CHODL: variants seen among roughly 807,000 people sequenced by gnomAD.
CHODL encodes transmembrane protein MT75.
A neutral mutation model predicts 34.5 loss-of-function variants in CHODL; 29 were observed. The observed-to-expected ratio is 0.84, with a 90% CI of 0.63 to 1.15. The LOEUF (loss-of-function observed/expected upper bound fraction) is 1.15, where lower values mean the gene tolerates loss of function less well. Ranked by LOEUF, CHODL falls within the 50% of genes most tolerant of loss-of-function variation. The pLI, the probability that CHODL is intolerant of heterozygous loss-of-function variation, is 0.00. For missense variants in CHODL, 332 were observed against 332.5 expected (o/e 1.00, Z 0.01); for synonymous variants, 125 against 116.1 (o/e 1.08, Z -0.49).
At chr21:18,211,652 T>A (rs188943157) in intron 2 of CHODL, among the ~76,000 whole-genome samples, 45 of 152,264 alleles carry the variant, frequency 3.0e-4, no homozygotes, top group Admixed American at 1.4e-3. Flanking sequence ...TTACTTTACT[T>A]TTTTTCCCCC....
At chr21:18,063,813 T>C (rs929553411) in intron 2 of CHODL, among the ~76,000 whole-genome samples, 4 of 152,206 alleles carry the variant, frequency 2.6e-5, no homozygotes, top group African/African-American at 9.6e-5. Flanking sequence ...TGGCCTCTAA[T>C]GCCAAACTTA....
At chr21:18,212,657 C>T (rs2073785841) in intron 2 of CHODL, among the ~76,000 whole-genome samples, 1 of 151,978 alleles carries the variant, frequency 6.6e-6, no homozygotes, top group Non-Finnish European at 1.5e-5. Context: ...AAAAAATTAA[C>T]TGGGACAATA....
At chr21:17,962,094 CA>C (rs1460838828) in intron 1 of CHODL, among the ~76,000 whole-genome samples, 1 of 152,106 alleles carries the variant, frequency 6.6e-6, no homozygotes, top group East Asian at 1.9e-4. Flanking sequence ...TGGATTACAC[CA>C]GAAGTCAGGG....
intron 2 of CHODL, among the ~76,000 whole-genome samples, chr21:18,084,995 C>T (rs999173366): frequency 4.0e-5 from 6 of 150,382 alleles, no homozygotes; most frequent in African/African-American, 1.2e-4. Flanking sequence ...TGCATGTACA[C>T]TTAGAATTAT....
chr21:18,238,933 A>C (rs981344719), intron 2 of CHODL, among the ~76,000 whole-genome samples: 1 of 152,188 alleles, frequency 6.6e-6, no homozygotes, highest in Non-Finnish European at 1.5e-5. Context: ...TGACTAAGAC[A>C]TTCATGATAA....
chr21:18,167,207 C>G (rs201069076), intron 2 of CHODL, among the ~76,000 whole-genome samples: 113 of 118,674 alleles, frequency 9.5e-4, no homozygotes, highest in East Asian at 2.9e-3. Context: ...CCATTTCTCT[C>G]TCTCTGTGTG....
intron 1 of CHODL, among the ~76,000 whole-genome samples, chr21:18,256,066 T>C (rs2074311618): frequency 6.6e-6 from 1 of 152,200 alleles, no homozygotes; most frequent in Non-Finnish European, 1.5e-5. Context: ...TGCCACTTTG[T>C]ATCTTCTTCA....
At chr21:18,093,453 T>C (rs1291050051) in intron 2 of CHODL, among the ~76,000 whole-genome samples, 2 of 152,084 alleles carry the variant, frequency 1.3e-5, no homozygotes, top group Non-Finnish European at 1.5e-5. Context: ...TATAATACTG[T>C]AGTTGTGGTA....
intron 1 of CHODL, among the ~76,000 whole-genome samples, chr21:18,253,813 T>C (rs1331019363): frequency 6.6e-6 from 1 of 152,142 alleles, no homozygotes; most frequent in Non-Finnish European, 1.5e-5. Context: ...CATTAACAAT[T>C]TGGGCAGCCT....
chr21:18,124,354 C>A (rs925607701), intron 2 of CHODL, among the ~76,000 whole-genome samples: 10 of 152,152 alleles, frequency 6.6e-5, no homozygotes, highest in Non-Finnish European at 1.3e-4. Flanking sequence ...ATGTGCTTGG[C>A]CCTACACCAG....
At chr21:17,981,135 G>GA (rs1273806700) in intron 1 of CHODL, among the ~76,000 whole-genome samples, 2 of 151,574 alleles carry the variant, frequency 1.3e-5, no homozygotes, top group Admixed American at 6.6e-5. Context: ...TCCATCTATG[G>GA]AAAACATATG....
intron 2 of CHODL, among the ~76,000 whole-genome samples, chr21:18,166,317 A>T (rs1023975936): frequency 1.3e-5 from 2 of 152,232 alleles, no homozygotes; most frequent in African/African-American, 2.4e-5. Context: ...TGATTAGGAC[A>T]GCCTCATTTG....
intron 2 of CHODL, among the ~76,000 whole-genome samples, chr21:18,080,936 A>T (rs2064934314): frequency 6.6e-6 from 1 of 152,194 alleles, no homozygotes; most frequent in South Asian, 2.1e-4. Context: ...CAGTATGGTC[A>T]TTTTAACTAC....
At chr21:18,026,991 T>C (rs1212841915) in intron 1 of CHODL, among the ~76,000 whole-genome samples, 2 of 152,154 alleles carry the variant, frequency 1.3e-5, no homozygotes, top group African/African-American at 4.8e-5. Context: ...AATTTATCTG[T>C]CCAGGCTGGG....
intron 2 of CHODL, among the ~76,000 whole-genome samples, chr21:18,143,289 T>C (rs2072824977): frequency 6.6e-6 from 1 of 152,208 alleles, no homozygotes; most frequent in South Asian, 2.1e-4. Context: ...CATATTCTGC[T>C]TAAACATTTG....
intron 2 of CHODL, among the ~76,000 whole-genome samples, chr21:18,077,019 C>T (rs1434017571): frequency 2.0e-5 from 3 of 152,300 alleles, no homozygotes; most frequent in African/African-American, 7.2e-5. Context: ...ACCTGAAAAG[C>T]TGTTGGGGAG....
chr21:18,085,060 A>AT (rs532679470), intron 2 of CHODL, among the ~76,000 whole-genome samples: 134 of 149,368 alleles, frequency 9.0e-4, no homozygotes, highest in Non-Finnish European at 1.9e-3. Context: ...CTTCTTTTTT[A>AT]TTTTTTTAAT....
intron 1 of CHODL, among the ~76,000 whole-genome samples, chr21:17,947,271 G>A (rs1441226847): frequency 6.6e-6 from 1 of 151,942 alleles, no homozygotes; most frequent in Non-Finnish European, 1.5e-5. Context: ...ACAGGTCAAT[G>A]AAGATATTAA....
intron 1 of CHODL, among the ~76,000 whole-genome samples, chr21:17,970,410 T>C (rs2063605307): frequency 6.6e-6 from 1 of 152,156 alleles, no homozygotes; most frequent in Non-Finnish European, 1.5e-5. Context: ...ACACTTACTG[T>C]AATAAGGAAG....
Sources: allele counts gnomAD v4.1 joint callset (sites outside exome capture counted in the v4.1 genomes callset), GRCh38; gene constraint gnomAD v4.1.1; transcripts MANE v1.5; gene names NCBI Gene and HGNC (gene_info 2026-07-23, HGNC 2026-07-21).